Variants in PLXNA4 observed in about 807,000 individuals in gnomAD.
PLXNA4 encodes plexin-A4.
A neutral mutation model predicts 191.8 loss-of-function variants in PLXNA4; 44 were observed. That is an observed-to-expected ratio of 0.23 (90% confidence interval 0.18 to 0.29). The LOEUF is 0.29. Ranked by LOEUF, PLXNA4 falls within the 10% of genes least tolerant of loss-of-function variation. The probability of loss-of-function intolerance (pLI) is 1.00; values close to 1 mark genes in which losing one functional copy is unlikely to be tolerated. For synonymous variants in PLXNA4, 1,082 were observed against 1,009.5 expected, an observed-to-expected ratio of 1.07 and a Z score of -1.36; for missense variants, 1,800 against 2,488.8, an observed-to-expected ratio of 0.72 and a Z score of 5.89.
intron 25 of PLXNA4, among the ~76,000 whole-genome samples, chr7:132,148,918 A>C (rs1208527135): frequency 6.6e-6 from 1 of 152,186 alleles, no homozygotes; most frequent in Non-Finnish European, 1.5e-5. Flanking sequence ...GAATGGCTAC[A>C]TCTGTAAAAA....
chr7:132,591,824 C>A (rs757676762), intron 2 of PLXNA4, among the ~76,000 whole-genome samples: 2 of 152,290 alleles, frequency 1.3e-5, no homozygotes, highest in African/African-American at 4.8e-5. Context: ...TCTCAGAATG[C>A]TGCGTATTAT....
chr7:132,244,644 C>T (rs1040137633), intron 4 of PLXNA4, among the ~76,000 whole-genome samples: 8 of 152,062 alleles, frequency 5.3e-5, no homozygotes, highest in African/African-American at 1.9e-4. Context: ...CAGGACCTTC[C>T]CAAGGAAGGA....
chr7:132,445,157 G>GAAAAAAAAA (rs71529762), intron 3 of PLXNA4, among the ~76,000 whole-genome samples: 2 of 53,798 alleles, frequency 3.7e-5, no homozygotes, highest in African/African-American at 6.6e-5. Flanking sequence ...TCCATCTCAG[G>GAAAAAAAAA]AAAAAAAAAA....
At chr7:132,345,283 G>A (rs142999095) in intron 3 of PLXNA4, among the ~76,000 whole-genome samples, 73 of 152,264 alleles carry the variant, frequency 4.8e-4, no homozygotes, top group African/African-American at 1.8e-3. Context: ...ACACTCCAAA[G>A]ATCGTCATTA....
Position 132,521,585 on chromosome 7 carries a change from T to C in PLXNA4, c.-86-12806A>G, listed in dbSNP as rs149120040. Among the ~76,000 whole-genome samples the C allele has an allele frequency of 6.7e-3, 1,014 of 152,258 alleles. 13 individuals are homozygous for C. Among genetic ancestry groups the C allele is most frequent in the African/African-American group, 0.023 (964 of 41,542 alleles). On this transcript the variant is annotated intron_variant, in intron 1 of 31. Transcript: ENST00000321063. ...TGATTCCAAATTAACTAACACATCC[T>C]CATCTCCCAGCTCTTTTTCCCCTGA...
rs986546504 is a variant in PLXNA4, at chr7:132,181,765, G to A, written c.3253-145C>T. The A allele has an allele frequency of 1.5e-4, 215 of 1,425,222 alleles. 1 individual carries two copies. Among genetic ancestry groups the A allele is most frequent in the African/African-American group, 5.4e-4 (38 of 69,904 alleles). The allele number at this position is 1,425,222 out of a possible 1,614,324, so 88.3% of individuals were successfully genotyped here. On this transcript the variant is annotated intron_variant, in intron 17 of 31. Transcript: ENST00000321063. Reference sequence around the variant, plus strand: ...AGATGAGTCAGGGCCACACAATTGGGCACTCAAGGAATAGGCTCTATAGCT... The same window carrying A: ...AGATGAGTCAGGGCCACACAATTGGACACTCAAGGAATAGGCTCTATAGCT...
intron 2 of PLXNA4, among the ~76,000 whole-genome samples, chr7:132,630,741 G>T (rs990981402): frequency 6.6e-6 from 1 of 152,150 alleles, no homozygotes; most frequent in African/African-American, 2.4e-5. Flanking sequence ...TCAATCTCCT[G>T]ACCTTGTGAT....
At chr7:132,384,999 C>G (rs1805062582) in intron 3 of PLXNA4, 1 of 1,395,358 alleles carries the variant, frequency 7.2e-7, no homozygotes, top group Non-Finnish European at 9.3e-7. Flanking sequence ...AAGAGACCAA[C>G]TACCTAGCCA....
intron 3 of PLXNA4, among the ~76,000 whole-genome samples, chr7:132,363,192 C>A (rs528583410): frequency 6.6e-6 from 1 of 152,252 alleles, no homozygotes; most frequent in East Asian, 1.9e-4. Context: ...ATCATGTTGG[C>A]CAGGCTGGTC....
intron 3 of PLXNA4, among the ~76,000 whole-genome samples, chr7:132,368,599 C>T (rs1361129098): frequency 6.6e-6 from 1 of 152,214 alleles, no homozygotes; most frequent in East Asian, 1.9e-4. Context: ...GCTGCCTGCG[C>T]TGCGGCTCAC....
intron 3 of PLXNA4, among the ~76,000 whole-genome samples, chr7:132,414,200 A>G (rs889992546): frequency 6.6e-6 from 1 of 152,222 alleles, no homozygotes; most frequent in African/African-American, 2.4e-5. Flanking sequence ...AGCTGGGTAC[A>G]GATGAACCCT....
intron 31 of PLXNA4, among the ~76,000 whole-genome samples, chr7:132,132,284 A>G (rs542447722): frequency 6.6e-6 from 1 of 152,314 alleles, no homozygotes; most frequent in South Asian, 2.1e-4. Context: ...CTCCCAAAGC[A>G]CCATGGCACT....
rs768195166 is a variant in PLXNA4 at position 132,174,819 on chromosome 7, A to G, written c.3976T>C (p.Phe1326Leu). 11 of 1,614,120 alleles carry G rather than the reference A, an allele frequency of 6.8e-6. No homozygotes were observed. The highest frequency in any genetic ancestry group is 3.4e-6 in the Non-Finnish European group (4 of 1,179,954). Residue 1326 changes from phenylalanine (F) to leucine (L), a missense_variant, in exon 21 of 32, where the codon TTC becomes CTC. Coordinates refer to ENST00000321063, the MANE Select transcript of PLXNA4 (RefSeq NM_020911.2). ...ACAGGGTGGTCTTCAATTCCTGGGAACAGCACCCGCATGGTGTAAGTTCTA... is the reference window on the plus strand; with the variant it reads ...ACAGGGTGGTCTTCAATTCCTGGGAGCAGCACCCGCATGGTGTAAGTTCTA... ...DYRTYTMRVLFPGIEDHPVLR... is the reference protein window; with the variant it reads ...DYRTYTMRVLLPGIEDHPVLR...
chr7:132,402,528 T>C (rs981964760), intron 3 of PLXNA4, among the ~76,000 whole-genome samples: 2 of 152,192 alleles, frequency 1.3e-5, no homozygotes, highest in African/African-American at 4.8e-5. Context: ...AGGGGCAGTG[T>C]GCTGCTGCAG....
Position 132,422,817 on chromosome 7 carries a change from C to T in PLXNA4, c.1371+66475G>A, listed in dbSNP as rs183347524. ...ATCCCTATAAAGGGGGTATTATTAC[C>T]CCACTGGGCAGAGGATCATAAAGAT... On this transcript the variant is annotated intron_variant, in intron 3 of 31. Transcript: ENST00000321063. 2.0e-3 allele frequency among the ~76,000 whole-genome samples: 304 copies of T among 152,280 alleles called. 4 individuals carry two copies. The highest frequency in any genetic ancestry group is 7.1e-3 in the African/African-American group (294 of 41,560).
At chr7:132,439,469 C>T (rs1227985371) in intron 3 of PLXNA4, among the ~76,000 whole-genome samples, 1 of 147,164 alleles carries the variant, frequency 6.8e-6, no homozygotes, top group Non-Finnish European at 1.5e-5. Flanking sequence ...CATACATGTG[C>T]ATGCATATAC....
chr7:132,161,707 T>C (rs1050769501), intron 24 of PLXNA4, among the ~76,000 whole-genome samples: 1 of 151,876 alleles, frequency 6.6e-6, no homozygotes, highest in Non-Finnish European at 1.5e-5. Context: ...CCTGGCAGGC[T>C]CCCGGGCGGG....
intron 4 of PLXNA4, among the ~76,000 whole-genome samples, chr7:132,289,304 A>C (rs1410450261): frequency 6.6e-6 from 1 of 152,178 alleles, no homozygotes; most frequent in African/African-American, 2.4e-5. Flanking sequence ...CCTCACAAGG[A>C]TCCTGACTCC....
intron 1 of PLXNA4, among the ~76,000 whole-genome samples, chr7:132,647,190 CACAA>C (rs760233706): frequency 4.1e-4 from 62 of 151,978 alleles, no homozygotes; most frequent in Middle Eastern, 3.4e-3. Flanking sequence ...GTCATACATT[CACAA>C]ACACCCACAT....
Sources: gnomAD v4.1 joint callset for allele counts (sites outside exome capture counted in the v4.1 genomes callset) on GRCh38, gnomAD v4.1.1 for gene constraint, MANE v1.5 for transcripts, NCBI Gene and HGNC (gene_info 2026-07-23, HGNC 2026-07-21) for gene names.